Variants in SCHIP1 observed in about 807,000 individuals in gnomAD.
The protein encoded by SCHIP1 is schwannomin interacting protein 1, also known as schwannomin-interacting protein 1.
A neutral mutation model predicts 29.7 loss-of-function variants in SCHIP1; 8 were observed. The observed-to-expected ratio is 0.27, with a 90% CI of 0.16 to 0.49. The LOEUF (loss-of-function observed/expected upper bound fraction) is 0.49. Among genes scored for constraint, SCHIP1 ranks in the 20% least tolerant of loss-of-function variants. The pLI, the probability that SCHIP1 is intolerant of heterozygous loss-of-function variation, is 0.99. For synonymous variants in SCHIP1, 76 were observed against 94.9 expected (o/e 0.80, Z 1.16); for missense variants, 193 against 294.6 (o/e 0.66, Z 2.52).
At chr3:159,824,940 G>T in the SCHIP1 span, among the ~76,000 whole-genome samples, 3 of 151,904 alleles carry the variant, frequency 2.0e-5, no homozygotes, top group African/African-American at 7.3e-5. Context: ...CCCCATAGTA[G>T]ACAGGCAAAT....
chr3:159,746,366 G>T, the SCHIP1 span, among the ~76,000 whole-genome samples: 8 of 152,172 alleles, frequency 5.3e-5, no homozygotes, highest in South Asian at 2.1e-4. Context: ...AGAGTACATT[G>T]TCCTGATGTG....
the SCHIP1 span, among the ~76,000 whole-genome samples, chr3:159,336,447 A>G: frequency 6.6e-6 from 1 of 152,104 alleles, no homozygotes; most frequent in Admixed American, 6.6e-5. Context: ...GGTATTGCCT[A>G]GGTTTTCTTC....
the SCHIP1 span, among the ~76,000 whole-genome samples, chr3:159,458,358 G>A: frequency 8.5e-5 from 13 of 152,146 alleles, no homozygotes; most frequent in Admixed American, 5.2e-4. Context: ...TGGAGGATGT[G>A]TTTAACTACA....
chr3:159,734,480 A>C, the SCHIP1 span, among the ~76,000 whole-genome samples: 1 of 151,948 alleles, frequency 6.6e-6, no homozygotes, highest in African/African-American at 2.4e-5. Flanking sequence ...GGTATTTCCA[A>C]CGAAAAAAAA....
the SCHIP1 span, among the ~76,000 whole-genome samples, chr3:159,435,359 CAACCATATCAAAGT>C: frequency 1.3e-5 from 2 of 152,118 alleles, no homozygotes; most frequent in African/African-American, 4.8e-5. Context: ...GCTATCCAAA[CAACCATATCAAAGT>C]AACAGAACAT....
At chr3:159,315,929 G>T in the SCHIP1 span, among the ~76,000 whole-genome samples, 4 of 135,716 alleles carry the variant, frequency 2.9e-5, no homozygotes, top group Non-Finnish European at 6.9e-5. Context: ...TTGTCGGGGA[G>T]GGGGTAGGGG....
chr3:159,770,776 A>C, the SCHIP1 span, among the ~76,000 whole-genome samples: 3 of 152,206 alleles, frequency 2.0e-5, no homozygotes, highest in African/African-American at 7.2e-5. Flanking sequence ...ACCTCCCTTC[A>C]GGTGGCTGGG....
chr3:159,673,430 C>T, the SCHIP1 span, among the ~76,000 whole-genome samples: 2 of 152,200 alleles, frequency 1.3e-5, no homozygotes, highest in African/African-American at 4.8e-5. Context: ...TATGCAGATA[C>T]CATTGCTTTG....
chr3:159,322,621 A>G, the SCHIP1 span, among the ~76,000 whole-genome samples: 4 of 152,216 alleles, frequency 2.6e-5, no homozygotes, highest in East Asian at 1.9e-4. Context: ...TTAGAAAGGA[A>G]TATCACTAGA....
In SCHIP1 at chr3:159,861,074, A is replaced by C. The variant is rs1714009346; in HGVS notation, c.31-5089A>C. Among the ~76,000 whole-genome samples the C allele has an allele frequency of 6.6e-6, 1 of 152,190 alleles. No homozygotes were observed. The highest frequency in any genetic ancestry group is 1.5e-5 in the Non-Finnish European group (1 of 68,038). ...AGGCCCCCCAGATTTTCCCACAAAAAATATAGTTTGTTAATTAAATAGATT... is the reference window on the plus strand; with the variant it reads ...AGGCCCCCCAGATTTTCCCACAAAACATATAGTTTGTTAATTAAATAGATT... On this transcript the variant is annotated intron_variant, in intron 1 of 6. Transcript: ENST00000445224. The surrounding 1 kb of genome is among the most constrained non-coding windows in gnomAD (Gnocchi z 4.1).
chr3:159,347,781 T>G, the SCHIP1 span, among the ~76,000 whole-genome samples: 2 of 152,220 alleles, frequency 1.3e-5, no homozygotes, highest in African/African-American at 2.4e-5. Context: ...TTCCTTTTTT[T>G]GTCCAGATTC....
intron 1 of SCHIP1, among the ~76,000 whole-genome samples, chr3:159,857,469 C>T (rs1024149569): frequency 1.3e-5 from 2 of 152,020 alleles, no homozygotes; most frequent in Non-Finnish European, 2.9e-5. Flanking sequence ...ACATAAAAGC[C>T]ACCTTTTTAA....
the SCHIP1 span, among the ~76,000 whole-genome samples, chr3:159,803,010 T>C: frequency 6.6e-6 from 1 of 152,154 alleles, no homozygotes; most frequent in Non-Finnish European, 1.5e-5. Context: ...GAAGAACACA[T>C]CTCCTTTCCT....
chr3:159,598,065 G>A, the SCHIP1 span, among the ~76,000 whole-genome samples: 30,885 of 151,794 alleles, frequency 0.2, 8,548 homozygotes, highest in African/African-American at 0.63. Flanking sequence ...AACAGCATGG[G>A]GAAAACTGAC....
the SCHIP1 span, among the ~76,000 whole-genome samples, chr3:159,812,940 G>A: frequency 6.6e-6 from 1 of 152,198 alleles, no homozygotes; most frequent in Non-Finnish European, 1.5e-5. Flanking sequence ...GCAGAGAAAG[G>A]CCGAGAACCA....
chr3:159,373,237 A>G, the SCHIP1 span, among the ~76,000 whole-genome samples: 1 of 151,506 alleles, frequency 6.6e-6, no homozygotes, highest in African/African-American at 2.4e-5. Flanking sequence ...TAATTAATAT[A>G]TATTACAGTT....
chr3:159,747,413 A>G, the SCHIP1 span, among the ~76,000 whole-genome samples: 1 of 152,102 alleles, frequency 6.6e-6, no homozygotes, highest in Non-Finnish European at 1.5e-5. Flanking sequence ...TTTAAGTGAT[A>G]CTCAGATAAA....
chr3:159,307,754 G>A, the SCHIP1 span, among the ~76,000 whole-genome samples: 1 of 152,082 alleles, frequency 6.6e-6, no homozygotes, highest in South Asian at 2.1e-4. Context: ...TTTGTATATG[G>A]TGGAAGGTAG....
chr3:159,289,197 T>A, the SCHIP1 span, among the ~76,000 whole-genome samples: 1 of 152,214 alleles, frequency 6.6e-6, no homozygotes, highest in Admixed American at 6.5e-5. Flanking sequence ...CCTGCTCTAA[T>A]CTAATCTCCA....
Sources: allele counts gnomAD v4.1 joint callset (sites outside exome capture counted in the v4.1 genomes callset), GRCh38; gene constraint gnomAD v4.1.1; non-coding constraint Gnocchi (gnomAD v3.1); transcripts MANE v1.5; gene names NCBI Gene and HGNC (gene_info 2026-07-23, HGNC 2026-07-21).